The following LINGO2 variants were observed in gnomAD, a reference collection of about 807,000 sequenced individuals.
LINGO2 encodes leucine-rich repeat and immunoglobulin-like domain-containing nogo receptor-interacting protein 2.
A neutral mutation model predicts 30.6 loss-of-function variants in LINGO2; 14 were observed. The observed-to-expected ratio is 0.46, with a 90% CI of 0.30 to 0.72. The LOEUF (loss-of-function observed/expected upper bound fraction) is 0.72, where lower values mean the gene tolerates loss of function less well. Ranked by LOEUF, LINGO2 falls within the 30% of genes least tolerant of loss-of-function variation. The pLI is 0.07. For missense variants in LINGO2, 729 were observed against 751.7 expected (o/e 0.97, Z 0.35); for synonymous variants, 317 against 288.5 (o/e 1.10, Z -1.00).
At chr9:28,172,524 AT>A (rs1185866034) in intron 4 of LINGO2, among the ~76,000 whole-genome samples, 2 of 152,222 alleles carry the variant, frequency 1.3e-5, no homozygotes, top group East Asian at 1.9e-4. Context: ...AACTAGGGTA[AT>A]CTTGACTTAA....
At chr9:28,123,276 T>C (rs1035426927) in intron 4 of LINGO2, among the ~76,000 whole-genome samples, 2 of 152,194 alleles carry the variant, frequency 1.3e-5, no homozygotes, top group Non-Finnish European at 1.5e-5. Flanking sequence ...GAAATCTAAT[T>C]AATAAAATAT....
chr9:28,717,866 T>C, the LINGO2 span, among the ~76,000 whole-genome samples: 1 of 152,004 alleles, frequency 6.6e-6, no homozygotes, highest in Non-Finnish European at 1.5e-5. Context: ...GACCTTACTA[T>C]GATAGTCAAT....
chr9:29,072,172 A>C, the LINGO2 span, among the ~76,000 whole-genome samples: 1 of 152,050 alleles, frequency 6.6e-6, no homozygotes, highest in Non-Finnish European at 1.5e-5. Flanking sequence ...CATTATATAT[A>C]TTGAATGAGG....
intron 4 of LINGO2, among the ~76,000 whole-genome samples, chr9:28,104,788 T>C (rs1443151426): frequency 1.3e-5 from 2 of 152,152 alleles, no homozygotes; most frequent in African/African-American, 4.8e-5. Context: ...GTCTTATCAA[T>C]AATCATGCAA....
chr9:27,953,152 C>T (rs1819396300), intron 5 of LINGO2, among the ~76,000 whole-genome samples: 1 of 151,822 alleles, frequency 6.6e-6, no homozygotes, highest in Non-Finnish European at 1.5e-5. Context: ...TCATTTTTAG[C>T]CAGAATTAAC....
At chr9:28,767,785 CA>C in the LINGO2 span, among the ~76,000 whole-genome samples, 219 of 97,074 alleles carry the variant, frequency 2.3e-3, no homozygotes, top group African/African-American at 5.6e-3. Context: ...GACTCCATTT[CA>C]AAAAAAAAAA....
chr9:28,404,096 AAT>A (rs1305535058), intron 2 of LINGO2, among the ~76,000 whole-genome samples: 3 of 152,142 alleles, frequency 2.0e-5, no homozygotes, highest in Non-Finnish European at 2.9e-5. Context: ...CTCATGTATG[AAT>A]AACTTTTCTT....
intron 4 of LINGO2, among the ~76,000 whole-genome samples, chr9:28,290,790 A>C (rs1164710779): frequency 6.6e-6 from 1 of 152,054 alleles, no homozygotes; most frequent in Non-Finnish European, 1.5e-5. Flanking sequence ...TCATTTCCTG[A>C]GGAAGGAACT....
At chr9:29,060,760 A>G in the LINGO2 span, among the ~76,000 whole-genome samples, 1 of 151,960 alleles carries the variant, frequency 6.6e-6, no homozygotes, top group Non-Finnish European at 1.5e-5. Context: ...TGAAATTAAA[A>G]AAAACTTACA....
intron 3 of LINGO2, among the ~76,000 whole-genome samples, chr9:28,357,324 C>CCCCT (rs1820258311): frequency 6.9e-6 from 1 of 145,936 alleles, no homozygotes; most frequent in Non-Finnish European, 1.5e-5. Context: ...AGCCCACCCC[C>CCCCT]CCCAAAAAAG....
At chr9:28,790,908 T>C in the LINGO2 span, among the ~76,000 whole-genome samples, 4 of 152,148 alleles carry the variant, frequency 2.6e-5, no homozygotes, top group Non-Finnish European at 5.9e-5. Flanking sequence ...ATATATCCCT[T>C]GTGGATAATG....
chr9:28,277,817 AAAAACAAAACAAAAC>A (rs1294388968), intron 4 of LINGO2, among the ~76,000 whole-genome samples: 3 of 146,828 alleles, frequency 2.0e-5, no homozygotes, highest in Non-Finnish European at 4.4e-5. Context: ...CTCCATCTCA[AAAAACAAAACAAAAC>A]AAAACAAAAA....
rs1326020758 is a variant in LINGO2 at position 28,243,828 on chromosome 9, T to A, written c.-87+51380A>T. ...CAAGAGCACCCAGATTCATAAAACA[T>A]GTTCTTAGAGACCTACAAAGATACT... On this transcript the variant is annotated intron_variant, in intron 4 of 5. Transcript: ENST00000379992. Among the ~76,000 whole-genome samples, 4 of 152,080 alleles carry A rather than the reference T, an allele frequency of 2.6e-5. No homozygotes were observed. The East Asian group carries it at 7.7e-4, about 29-fold the overall frequency.
At chr9:28,946,320 T>C in the LINGO2 span, among the ~76,000 whole-genome samples, 1 of 152,144 alleles carries the variant, frequency 6.6e-6, no homozygotes, top group South Asian at 2.1e-4. Context: ...TTAAAAAAAC[T>C]TTTAAAATCA....
chr9:28,706,612 C>T, the LINGO2 span, among the ~76,000 whole-genome samples: 2 of 152,128 alleles, frequency 1.3e-5, no homozygotes, highest in Admixed American at 6.6e-5. Flanking sequence ...TCATGATAGA[C>T]ATGCTATTCC....
intron 4 of LINGO2, among the ~76,000 whole-genome samples, chr9:28,049,598 T>TC (rs1824578588): frequency 6.6e-6 from 1 of 150,688 alleles, no homozygotes; most frequent in African/African-American, 2.5e-5. Context: ...TTACCGCTTA[T>TC]TAGCTTATTA....
the LINGO2 span, among the ~76,000 whole-genome samples, chr9:28,820,725 G>A: frequency 2.6e-5 from 4 of 152,208 alleles, no homozygotes; most frequent in Non-Finnish European, 5.9e-5. Flanking sequence ...AAGGCACAGA[G>A]TGGGCACAGA....
At chr9:28,039,790 T>C (rs1306690034) in intron 4 of LINGO2, among the ~76,000 whole-genome samples, 1 of 152,226 alleles carries the variant, frequency 6.6e-6, no homozygotes, top group Non-Finnish European at 1.5e-5. Flanking sequence ...TGTTCCTTAA[T>C]AGACACAAAT....
chr9:28,601,477 A>G (rs1587941516), intron 1 of LINGO2, among the ~76,000 whole-genome samples: 1 of 152,080 alleles, frequency 6.6e-6, no homozygotes, highest in African/African-American at 2.4e-5. Flanking sequence ...GGACTGGAGG[A>G]CTAGAGGTAT....
Sources: gnomAD v4.1 joint callset for allele counts (sites outside exome capture counted in the v4.1 genomes callset) on GRCh38, gnomAD v4.1.1 for gene constraint, MANE v1.5 for transcripts, NCBI Gene and HGNC (gene_info 2026-07-23, HGNC 2026-07-21) for gene names.